The following TGDS variants were observed in gnomAD, a reference collection of about 807,000 sequenced individuals.
The protein encoded by TGDS is TDP-glucose 4,6-dehydratase.
TGDS carries 47 observed loss-of-function variants against 52.3 expected under a neutral mutation model. That is an observed-to-expected ratio of 0.90 (90% CI 0.71 to 1.15). The LOEUF (loss-of-function observed/expected upper bound fraction) is 1.15. Among genes scored for constraint, TGDS ranks in the 50% most tolerant of loss-of-function variants. The pLI, the probability that TGDS is intolerant of heterozygous loss-of-function variation, is 0.00. For synonymous variants in TGDS, 115 were observed against 136.9 expected, an observed-to-expected ratio of 0.84 and a Z score of 1.12; for missense variants, 375 against 418.4, an observed-to-expected ratio of 0.90 and a Z score of 0.90.
rs374257116 is a variant in TGDS at position 94,587,307 on chromosome 13, A to G, written c.313+3546T>C. Among the ~76,000 whole-genome samples, 6 of 152,362 alleles carry G rather than the reference A, an allele frequency of 3.9e-5. No homozygotes were observed. The South Asian group carries it at 8.3e-4, about 21-fold the overall frequency. On this transcript the variant is annotated intron_variant, in intron 4 of 11. Coordinates refer to ENST00000261296, the MANE Select transcript of TGDS (RefSeq NM_014305.4). ...TTCATTATATAGAAAACAAACACGC[A>G]TAAGAAAAGATCAACAATGTCAAAG...
chr13:94,596,162 C>G (rs202110345), upstream of TGDS: 152 of 1,609,736 alleles, frequency 9.4e-5, no homozygotes, highest in Non-Finnish European at 9.9e-5. Context: ...TGCCTAGTAC[C>G]GTAAAGAGTA....
Position 94,574,683 on chromosome 13 carries a change from A to C in TGDS, c.*99T>G. On this transcript the variant is annotated 3_prime_UTR_variant, in exon 12 of 12. Transcript: ENST00000261296. ...AGAAAGTCATGAATCTAATTCCAAA[A>C]GAAAAGAGTGCACTTCATTTGGTCA... 1 of 650,160 alleles carries C rather than the reference A, an allele frequency of 1.5e-6. No homozygotes were observed. The allele number at this position is 650,160 out of a possible 1,614,324, so 40.3% of individuals were successfully genotyped here.
At position 94,593,901 on chromosome 13, in the gene TGDS, T is replaced by C. The variant is rs148461439; in HGVS notation, c.93A>G (p.Ser31=). ...CTTCCACTAAAGAGACAATCATATG[T>C]GATGCACTATGGAAAAAAAGTATAT... ...LVTGGAGFIA[S]HMIVSLVEDY... Residue 31 remains serine (S), a synonymous_variant, in exon 2 of 12, where the codon TCA becomes TCG. Coordinates refer to ENST00000261296, the MANE Select transcript of TGDS (RefSeq NM_014305.4). 1.2e-5 allele frequency: 18 copies of C among 1,562,306 alleles called. No homozygotes were observed. In the African/African-American group the frequency reaches 2.5e-4, roughly 21 times the overall value.
chr13:94,582,474 C>CTGT (rs1888831609), intron 5 of TGDS, among the ~76,000 whole-genome samples: 1 of 152,226 alleles, frequency 6.6e-6, no homozygotes, highest in Non-Finnish European at 1.5e-5. Flanking sequence ...CAAGACTAGG[C>CTGT]TGTTGTTCCC....
chr13:94,587,103 T>A (rs143437671), intron 4 of TGDS, among the ~76,000 whole-genome samples: 1 of 152,202 alleles, frequency 6.6e-6, no homozygotes, highest in African/African-American at 2.4e-5. Context: ...AAAATACATA[T>A]GAAAACCTGT....
chr13:94,590,107 T>A (rs977333790), intron 4 of TGDS, among the ~76,000 whole-genome samples: 1 of 150,220 alleles, frequency 6.7e-6, no homozygotes, highest in Non-Finnish European at 1.5e-5. Context: ...TGTATCTATA[T>A]CCAACTCCAT....
In TGDS at chr13:94,574,860, GA is replaced by G; in HGVS notation, c.983-9del. 1.4e-6 allele frequency: 2 copies of G among 1,404,914 alleles called. No individual in the cohort carries two copies. The highest frequency in any genetic ancestry group is 1.9e-6 in the Non-Finnish European group (2 of 1,056,054). The allele number at this position is 1,404,914 out of a possible 1,614,324, so 87.0% of individuals were successfully genotyped here. Reference sequence around the variant, plus strand: ...TCTCTCTGTACCATTCAACTAATAGGAAAAAACAAAAGACAAAAAAAAAAAA... The same window carrying G: ...TCTCTCTGTACCATTCAACTAATAGGAAAAACAAAAGACAAAAAAAAAAAA... On this transcript the variant is annotated splice_polypyrimidine_tract_variant and intron_variant, in intron 11 of 11. Coordinates refer to ENST00000261296, the MANE Select transcript of TGDS (RefSeq NM_014305.4).
At chr13:94,590,652 C>G (rs1175225993) in intron 4 of TGDS, among the ~76,000 whole-genome samples, 1 of 152,156 alleles carries the variant, frequency 6.6e-6, no homozygotes, top group Non-Finnish European at 1.5e-5. Flanking sequence ...TTTCAGACAG[C>G]AGTCAAGGTT....
intron 8 of TGDS, 27 bp from the exon 9 acceptor site, chr13:94,578,197 A>G: frequency 6.2e-7 from 1 of 1,610,124 alleles, no homozygotes; most frequent in Non-Finnish European, 8.5e-7. Context: ...AAGTGAAATC[A>G]TAAAGTGTAA....
In TGDS at chr13:94,579,913, G is replaced by C; in HGVS notation, c.596C>G (p.Pro199Arg). ...ATTTACCTTTTCTGGATATTGATGT[G>C]GTCCATAAACATTACTGCTTCTTGT... The part of the protein sequence containing the change: ...VITRSSNVYG[P>R]HQYPEKVIPK... Residue 199 changes from proline to arginine, a missense_variant, in exon 7 of 12, where the codon CCA becomes CGA. Pro to Arg is a moderately radical substitution (Grantham distance 103). Coordinates refer to ENST00000261296, the MANE Select transcript of TGDS (RefSeq NM_014305.4). 6.3e-7 allele frequency: 1 copy of C among 1,598,318 alleles called. No homozygotes were observed. The highest frequency in any genetic ancestry group is 8.6e-7 in the Non-Finnish European group (1 of 1,169,418).
Position 94,578,043 on chromosome 13 carries a change from T to C in TGDS, c.787A>G (p.Met263Val), listed in dbSNP as rs771518626. Residue 263 changes from methionine (M) to valine (V), a missense_variant, in exon 9 of 12, where the codon ATG becomes GTG. Transcript: ENST00000261296. ...TCTTTGGCAAGCTGGACAACTGACA[T>C]TTCAAAATTGGTTCCGATGTTATAA... ...EIYNIGTNFE[M>V]SVVQLAKELI... 1.1e-5 allele frequency: 17 copies of C among 1,613,878 alleles called. No individual in the cohort carries two copies. The highest frequency in any genetic ancestry group is 1.4e-5 in the Non-Finnish European group (17 of 1,179,864).
chr13:94,592,823 A>G (rs967506034), intron 2 of TGDS, among the ~76,000 whole-genome samples: 5 of 152,176 alleles, frequency 3.3e-5, no homozygotes, highest in African/African-American at 1.2e-4. Flanking sequence ...GTACCAAAAA[A>G]CAAAACAAAA....
At position 94,593,911 on chromosome 13, in the gene TGDS, T is replaced by C. The variant is rs1420432784; in HGVS notation, c.87-4A>G. ...AGAGACAATCATATGTGATGCACTA[T>C]GGAAAAAAAGTATATCTTGTTAGTG... On this transcript the variant is annotated splice_region_variant and splice_polypyrimidine_tract_variant and intron_variant, in intron 1 of 11. Coordinates refer to ENST00000261296, the MANE Select transcript of TGDS (RefSeq NM_014305.4). 18 of 1,547,932 alleles carry C rather than the reference T, an allele frequency of 1.2e-5. No individual in the cohort carries two copies. Among genetic ancestry groups the C allele is most frequent in the East Asian group, 2.3e-5 (1 of 43,486 alleles).
chr13:94,596,174 G>A, upstream of TGDS: 1 of 1,596,044 alleles, frequency 6.3e-7, no homozygotes, highest in Non-Finnish European at 8.6e-7. Context: ...TAAAGAGTAT[G>A]GTCTGAAAAG....
At chr13:94,580,843 T>A (rs1888762857) in intron 6 of TGDS, among the ~76,000 whole-genome samples, 1 of 152,236 alleles carries the variant, frequency 6.6e-6, no homozygotes, top group South Asian at 2.1e-4. Flanking sequence ...CTAAGCATGC[T>A]GCTAAAAGCT....
At position 94,578,682 on chromosome 13, in the gene TGDS, T is replaced by C. The variant is rs764871893; in HGVS notation, c.659+48A>G. The C allele has an allele frequency of 2.9e-6, 4 of 1,397,226 alleles. No homozygotes were observed. In the South Asian group the frequency reaches 4.8e-5, roughly 17 times the overall value. The allele number at this position is 1,397,226 out of a possible 1,614,324, so 86.6% of individuals were successfully genotyped here. On this transcript the variant is annotated intron_variant, in intron 8 of 11. Transcript: ENST00000261296. ...TATTTAAGAAAGTGTCACCAAATAC[T>C]CTAACATACCAGAAAAGCATATGGG...
chr13:94,582,029 A>G (rs980061344), intron 5 of TGDS, among the ~76,000 whole-genome samples: 4 of 152,050 alleles, frequency 2.6e-5, no homozygotes, highest in Non-Finnish European at 5.9e-5. Context: ...GAGAAACCCC[A>G]TCTCTACTAA....
At chr13:94,577,861 A>G in intron 9 of TGDS, 144 bp downstream of exon 9, 1 of 790,160 alleles carries the variant, frequency 1.3e-6, no homozygotes, top group South Asian at 2.6e-5. Flanking sequence ...ACTTAATTTA[A>G]GACACATATG....
At chr13:94,584,336 G>T (rs1032170741) in intron 4 of TGDS, among the ~76,000 whole-genome samples, 1 of 152,136 alleles carries the variant, frequency 6.6e-6, no homozygotes, top group Non-Finnish European at 1.5e-5. Flanking sequence ...GATCTACCTG[G>T]TGTCCTTAAA....
Sources: gnomAD v4.1 joint callset for allele counts (sites outside exome capture counted in the v4.1 genomes callset) on GRCh38, gnomAD v4.1.1 for gene constraint, MANE v1.5 for transcripts, NCBI Gene and HGNC (gene_info 2026-07-23, HGNC 2026-07-21) for gene names.